Variants in PARD3B observed in about 807,000 individuals in gnomAD.
PARD3B encodes the protein partitioning defective 3 homolog B.
In PARD3B, 103 loss-of-function variants were observed where a neutral mutation model predicts 130.2. The observed-to-expected ratio is 0.79, with a 90% confidence interval of 0.67 to 0.93. The LOEUF (loss-of-function observed/expected upper bound fraction) is 0.93, where lower values mean the gene tolerates loss of function less well. PARD3B is among the 40% of genes least tolerant of loss of function. The probability of loss-of-function intolerance (pLI) is 0.00; values close to 1 mark genes in which losing one functional copy is unlikely to be tolerated. For synonymous variants in PARD3B, 583 were observed against 553.2 expected (o/e 1.05, Z -0.76); for missense variants, 1,609 against 1,499.2 (o/e 1.07, Z -1.21).
chr2:205,334,579 C>G (rs2043244147), intron 18 of PARD3B, among the ~76,000 whole-genome samples: 4 of 152,148 alleles, frequency 2.6e-5, no homozygotes, highest in African/African-American at 9.7e-5. Context: ...TATAGGAACC[C>G]AAGATAGAGC....
At chr2:205,106,120 A>AAT (rs1215538464) in intron 5 of PARD3B, among the ~76,000 whole-genome samples, 1 of 151,488 alleles carries the variant, frequency 6.6e-6, no homozygotes, top group Non-Finnish European at 1.5e-5. Context: ...GGAACTTAAA[A>AAT]ATATATATAT....
At chr2:205,082,835 T>C (rs1450063509) in intron 4 of PARD3B, among the ~76,000 whole-genome samples, 3 of 152,124 alleles carry the variant, frequency 2.0e-5, no homozygotes, top group Non-Finnish European at 4.4e-5. Flanking sequence ...AACATATTAC[T>C]AACTAAGCCT....
At position 205,265,537 on chromosome 2, in the gene PARD3B, A is replaced by C. The variant is rs145006826; in HGVS notation, c.2185+19715A>C. Among the ~76,000 whole-genome samples, 50 of 152,134 alleles carry C rather than the reference A, an allele frequency of 3.3e-4. No homozygotes were observed. The highest frequency in any genetic ancestry group is 5.6e-4 in the Non-Finnish European group (38 of 67,932). ...AGGTGCTTTTTGATTTTCTACTTTC[A>C]GAGAAAAAGTAGAAATTGCTGCTGA... On this transcript the variant is annotated intron_variant, in intron 16 of 22. Transcript: ENST00000406610. This position sits in a 1 kb window ranked among gnomAD's most constrained non-coding sequence, Gnocchi z 4.3.
At chr2:204,730,302 C>T (rs922094069) in intron 2 of PARD3B, among the ~76,000 whole-genome samples, 10 of 152,122 alleles carry the variant, frequency 6.6e-5, no homozygotes, top group African/African-American at 2.4e-4. Context: ...CTCCTGACCT[C>T]AGATGATCTG....
At chr2:205,607,588 T>A (rs1226445229) in intron 22 of PARD3B, among the ~76,000 whole-genome samples, 2 of 152,136 alleles carry the variant, frequency 1.3e-5, no homozygotes, top group African/African-American at 4.8e-5. Flanking sequence ...GAGGAAACAT[T>A]TAGGATGGAA....
chr2:205,254,908 C>A (rs976415308), intron 16 of PARD3B, among the ~76,000 whole-genome samples: 3 of 151,820 alleles, frequency 2.0e-5, no homozygotes, highest in Admixed American at 6.6e-5. Flanking sequence ...TCGTGATCCG[C>A]CCGCCTCGGC....
rs570580463 is a variant in PARD3B, at chr2:205,000,237, T to C, written c.394+34914T>C. ...TTTCCTATGGTAATGGGTGCAGTGG[T>C]GCACAGCTTGATTTGCTACATTAGG... On this transcript the variant is annotated intron_variant, in intron 3 of 22. Transcript: ENST00000406610. Among the ~76,000 whole-genome samples the C allele has an allele frequency of 3.9e-5, 6 of 152,320 alleles. No homozygotes were observed. In the South Asian group the frequency reaches 1.2e-3, roughly 32 times the overall value.
intron 2 of PARD3B, among the ~76,000 whole-genome samples, chr2:204,750,927 A>G (rs114718898): frequency 0.028 from 4,216 of 152,242 alleles, 184 homozygotes; most frequent in African/African-American, 0.096. Flanking sequence ...TTACTCTACT[A>G]TTTCACCATA....
intron 2 of PARD3B, among the ~76,000 whole-genome samples, chr2:204,930,542 C>A (rs774539993): frequency 1.3e-5 from 2 of 152,014 alleles, no homozygotes; most frequent in Non-Finnish European, 2.9e-5. Flanking sequence ...CTCACTAACA[C>A]CAATTTCGTT....
chr2:204,947,563 TC>T (rs1689432322), intron 2 of PARD3B, among the ~76,000 whole-genome samples: 1 of 80,294 alleles, frequency 1.2e-5, no homozygotes, highest in African/African-American at 4.0e-5. Context: ...CTCCCTCCCC[TC>T]CCTCCCCTCC....
At chr2:204,757,327 G>A (rs2040719231) in intron 2 of PARD3B, among the ~76,000 whole-genome samples, 1 of 152,126 alleles carries the variant, frequency 6.6e-6, no homozygotes, top group Non-Finnish European at 1.5e-5. Flanking sequence ...AGTTCCTTGA[G>A]GAATCTCCAA....
chr2:204,977,636 C>T (rs1210614693), intron 3 of PARD3B, among the ~76,000 whole-genome samples: 3 of 151,754 alleles, frequency 2.0e-5, no homozygotes, highest in African/African-American at 4.8e-5. Context: ...GGTGAAACCC[C>T]GTCTCCGCTA....
intron 18 of PARD3B, among the ~76,000 whole-genome samples, chr2:205,316,805 C>T (rs2042579244): frequency 6.6e-6 from 1 of 152,068 alleles, no homozygotes; most frequent in African/African-American, 2.4e-5. Flanking sequence ...GGAGAAATCT[C>T]TGATCTTTTC....
intron 1 of PARD3B, among the ~76,000 whole-genome samples, chr2:204,626,689 A>C (rs2034498722): frequency 6.6e-6 from 1 of 152,120 alleles, no homozygotes; most frequent in Non-Finnish European, 1.5e-5. Flanking sequence ...TCTTCTTTCA[A>C]ACTTTTGATA....
At chr2:205,382,617 G>T (rs2045493594) in intron 18 of PARD3B, among the ~76,000 whole-genome samples, 1 of 151,994 alleles carries the variant, frequency 6.6e-6, no homozygotes, top group South Asian at 2.1e-4. Flanking sequence ...AGTTACCATG[G>T]TGTTTCAATG....
chr2:205,345,284 T>A (rs2043708108), intron 18 of PARD3B, among the ~76,000 whole-genome samples: 1 of 152,182 alleles, frequency 6.6e-6, no homozygotes, highest in South Asian at 2.1e-4. Flanking sequence ...AAAGAGGGTA[T>A]GATCTAATGG....
intron 2 of PARD3B, among the ~76,000 whole-genome samples, chr2:204,730,388 A>G (rs959180950): frequency 6.6e-6 from 1 of 152,120 alleles, no homozygotes; most frequent in African/African-American, 2.4e-5. Context: ...TAATTTCTAT[A>G]GCATAATTAT....
chr2:205,283,193 A>T (rs1009509559), intron 16 of PARD3B, among the ~76,000 whole-genome samples: 56 of 152,364 alleles, frequency 3.7e-4, no homozygotes, highest in African/African-American at 1.3e-3. Context: ...ATTTGTTCAC[A>T]ATATAAAAAC....
At chr2:205,227,175 T>C (rs552872507) in intron 15 of PARD3B, among the ~76,000 whole-genome samples, 1 of 152,318 alleles carries the variant, frequency 6.6e-6, no homozygotes, top group African/African-American at 2.4e-5. Context: ...GGAAATGTTC[T>C]ATGAACATCT....
Sources: gnomAD v4.1 joint callset for allele counts (sites outside exome capture counted in the v4.1 genomes callset) on GRCh38, gnomAD v4.1.1 for gene constraint, Gnocchi (gnomAD v3.1) non-coding constraint, MANE v1.5 for transcripts, NCBI Gene and HGNC (gene_info 2026-07-23, HGNC 2026-07-21) for gene names.